Variants in HDAC8 observed in about 807,000 individuals in gnomAD.
HDAC8 encodes histone deacetylase 8, also known as histone deacetylase-like 1.
In HDAC8, 1 loss-of-function variant was observed where a neutral mutation model predicts 32.2. That is an observed-to-expected ratio of 0.03 (90% CI 0.01 to 0.15). The LOEUF (loss-of-function observed/expected upper bound fraction) is 0.15, where lower values mean the gene tolerates loss of function less well. Ranked by LOEUF, HDAC8 falls within the 10% of genes least tolerant of loss-of-function variation. The pLI is 1.00. For synonymous variants in HDAC8, 108 were observed against 113.9 expected (o/e 0.95, Z 0.33); for missense variants, 117 against 300.0 (o/e 0.39, Z 4.51).
chrX:72,506,854 T>C (rs898055453), intron 4 of HDAC8, among the ~76,000 whole-genome samples: 4 of 110,808 alleles, frequency 3.6e-5, no homozygotes, highest in African/African-American at 6.6e-5. Context: ...TAATCTTTTA[T>C]ATTAACTTTT....
At chrX:72,571,276 G>C (rs189887170) in intron 2 of HDAC8, among the ~76,000 whole-genome samples, 217 of 111,337 alleles carry the variant, frequency 1.9e-3, no homozygotes, top group African/African-American at 6.7e-3. Flanking sequence ...TGGTGCTGGT[G>C]GTGGGTTGTC....
chrX:72,415,053 C>T (rs1460574236), intron 9 of HDAC8, among the ~76,000 whole-genome samples: 3 of 112,266 alleles, frequency 2.7e-5, no homozygotes, highest in Non-Finnish European at 5.6e-5. Context: ...GTCTTTTCCT[C>T]CCAATTGTTT....
At chrX:72,391,048 TC>T (rs2045599344) in intron 9 of HDAC8, among the ~76,000 whole-genome samples, 1 of 112,326 alleles carries the variant, frequency 8.9e-6, no homozygotes, top group Non-Finnish European at 1.9e-5. Flanking sequence ...GTTTGATCAA[TC>T]ACATTTAGGC....
At chrX:72,365,682 G>T (rs2044677805) in intron 9 of HDAC8, among the ~76,000 whole-genome samples, 2 of 112,097 alleles carry the variant, frequency 1.8e-5, no homozygotes, top group Non-Finnish European at 3.8e-5. Context: ...ACAGAGTACT[G>T]GGTCAAAACC....
intron 4 of HDAC8, among the ~76,000 whole-genome samples, chrX:72,546,545 G>T (rs2050868990): frequency 9.0e-6 from 1 of 111,172 alleles, no homozygotes; most frequent in Non-Finnish European, 1.9e-5. Context: ...AGCAAGATGT[G>T]ATCTAGACAC....
chrX:72,354,888 G>C (rs782536272), intron 9 of HDAC8, among the ~76,000 whole-genome samples: 1 of 111,926 alleles, frequency 8.9e-6, no homozygotes, highest in African/African-American at 3.2e-5. Flanking sequence ...GCCTAGCATA[G>C]GGCCCAGCAC....
chrX:72,539,921 C>A (rs1398341034), intron 4 of HDAC8, among the ~76,000 whole-genome samples: 1 of 112,313 alleles, frequency 8.9e-6, no homozygotes, highest in African/African-American at 3.2e-5. Context: ...GCAGTGAAAT[C>A]CCCATGTACA....
chrX:72,349,339 C>T (rs1555948001), intron 10 of HDAC8, among the ~76,000 whole-genome samples: 2 of 112,291 alleles, frequency 1.8e-5, no homozygotes, highest in African/African-American at 6.5e-5. Flanking sequence ...AAAATGAGGT[C>T]GATACTGCAT....
intron 2 of HDAC8, 42 bp downstream of exon 2, chrX:72,572,015 G>C (rs781858751): frequency 1.8e-6 from 2 of 1,093,658 alleles, no homozygotes; most frequent in East Asian, 3.2e-5. Context: ...TTAAGGCTAC[G>C]AACACCTAGC....
chrX:72,457,306 G>A (rs1318870106), intron 9 of HDAC8, among the ~76,000 whole-genome samples: 2 of 112,181 alleles, frequency 1.8e-5, no homozygotes, highest in African/African-American at 6.5e-5. Context: ...CTGGGGACCA[G>A]ATAAAGATAT....
chrX:72,369,046 GTC>G (rs1351293713), intron 9 of HDAC8, among the ~76,000 whole-genome samples: 2 of 111,375 alleles, frequency 1.8e-5, no homozygotes, highest in African/African-American at 6.5e-5. Flanking sequence ...GGGTGACCTC[GTC>G]CAGGCTCTCA....
At chrX:72,493,365 A>G (rs1556011005) in intron 5 of HDAC8, among the ~76,000 whole-genome samples, 3 of 111,624 alleles carry the variant, frequency 2.7e-5, no homozygotes, top group Non-Finnish European at 5.7e-5. Context: ...ACTGTTTTTC[A>G]AAGTGTGGCC....
chrX:72,418,939 G>C (rs1555972679), intron 9 of HDAC8, among the ~76,000 whole-genome samples: 1 of 111,289 alleles, frequency 9.0e-6, no homozygotes, highest in African/African-American at 3.3e-5. Flanking sequence ...AAAAACAATT[G>C]GTTATAGAGG....
chrX:72,549,757 AT>A (rs2051002070), intron 4 of HDAC8, among the ~76,000 whole-genome samples: 1 of 111,497 alleles, frequency 9.0e-6, no homozygotes, highest in African/African-American at 3.3e-5. Flanking sequence ...TTTATATCTA[AT>A]TGGTCTTCTT....
At chrX:72,407,654 T>G (rs2046082162) in intron 9 of HDAC8, among the ~76,000 whole-genome samples, 1 of 111,436 alleles carries the variant, frequency 9.0e-6, no homozygotes, top group African/African-American at 3.3e-5. Flanking sequence ...GAAGGAGCCA[T>G]GAACCAAGGA....
intron 1 of HDAC8, 161 bp downstream of exon 1, chrX:72,572,490 A>G: frequency 2.2e-6 from 1 of 447,417 alleles, no homozygotes; most frequent in Non-Finnish European, 3.8e-6. Context: ...ACGATATGAG[A>G]ACACTTCCTT....
intron 9 of HDAC8, among the ~76,000 whole-genome samples, chrX:72,427,368 C>T (rs797034212): frequency 9.0e-6 from 1 of 110,594 alleles, no homozygotes; most frequent in Non-Finnish European, 1.9e-5. Flanking sequence ...CAATGATAGA[C>T]TGGATTAAGA....
chrX:72,506,842 T>A (rs1163959394), intron 4 of HDAC8, among the ~76,000 whole-genome samples: 1 of 110,742 alleles, frequency 9.0e-6, no homozygotes, highest in East Asian at 2.8e-4. Flanking sequence ...TTTACTATAA[T>A]ATAATCTTTT....
intron 4 of HDAC8, among the ~76,000 whole-genome samples, chrX:72,512,453 G>A (rs970780933): frequency 5.4e-5 from 6 of 111,532 alleles, no homozygotes; most frequent in African/African-American, 1.6e-4. Flanking sequence ...AAATGTGCAC[G>A]AGTATGAGTT....
Sources: allele counts gnomAD v4.1 joint callset (sites outside exome capture counted in the v4.1 genomes callset), GRCh38; gene constraint gnomAD v4.1.1; transcripts MANE v1.5; gene names NCBI Gene and HGNC (gene_info 2026-07-23, HGNC 2026-07-21).